ACBD6: variants seen among roughly 807,000 people sequenced by gnomAD.
ACBD6 encodes acyl-CoA-binding domain-containing protein 6.
A neutral mutation model predicts 37.2 loss-of-function variants in ACBD6; 28 were observed. That is an observed-to-expected ratio of 0.75 (90% CI 0.56 to 1.03). The LOEUF (loss-of-function observed/expected upper bound fraction) is 1.03, where lower values mean the gene tolerates loss of function less well. Ranked by LOEUF, ACBD6 falls within the 50% of genes least tolerant of loss-of-function variation. The pLI, the probability that ACBD6 is intolerant of heterozygous loss-of-function variation, is 0.00. For synonymous variants in ACBD6, 113 were observed against 126.8 expected (o/e 0.89, Z 0.73); for missense variants, 340 against 337.4 (o/e 1.01, Z -0.06).
chr1:180,443,269 C>T (rs895407839), intron 3 of ACBD6, among the ~76,000 whole-genome samples: 9 of 152,122 alleles, frequency 5.9e-5, no homozygotes, highest in Non-Finnish European at 1.3e-4. Flanking sequence ...CTACCATATG[C>T]CCCACATATT....
intron 7 of ACBD6, among the ~76,000 whole-genome samples, chr1:180,292,850 C>T (rs987383499): frequency 6.6e-6 from 1 of 152,180 alleles, no homozygotes; most frequent in Non-Finnish European, 1.5e-5. Context: ...ACGATATTAA[C>T]TGTCGATTTT....
intron 4 of ACBD6, among the ~76,000 whole-genome samples, chr1:180,417,140 C>T (rs1359041680): frequency 1.3e-5 from 2 of 152,122 alleles, no homozygotes; most frequent in Non-Finnish European, 2.9e-5. Context: ...TACATAAACT[C>T]CTTTAAAGAG....
rs541008454 is a variant in ACBD6 at position 180,270,900 on chromosome 1, C to T, written c.*2325G>A. ...AGCTCACCCCTGGCTGTGAGCCCAGCGACGCCAGGGCAAAGGTGACATGGC... is the reference window on the plus strand; with the variant it reads ...AGCTCACCCCTGGCTGTGAGCCCAGTGACGCCAGGGCAAAGGTGACATGGC... On this transcript the variant is annotated 3_prime_UTR_variant, in exon 14 of 14. Transcript: ENST00000642319. The T allele has an allele frequency of 1.4e-4, 32 of 235,946 alleles. No individual in the cohort carries two copies. In the East Asian group the frequency reaches 2.5e-3, roughly 19 times the overall value. The allele number at this position is 235,946 out of a possible 1,614,324, so 14.6% of individuals were successfully genotyped here. A position where few individuals can be genotyped will look rare whatever the true frequency, so the allele number is the denominator to read the frequency against.
At chr1:180,391,765 T>A (rs10913980) in intron 6 of ACBD6, among the ~76,000 whole-genome samples, 2 of 151,882 alleles carry the variant, frequency 1.3e-5, no homozygotes, top group East Asian at 1.9e-4. Flanking sequence ...AGGTTAAACA[T>A]AGAGCTATGC....
At chr1:180,489,303 G>C (rs1445761015) in intron 3 of ACBD6, among the ~76,000 whole-genome samples, 1 of 151,014 alleles carries the variant, frequency 6.6e-6, no homozygotes, top group East Asian at 1.9e-4. Context: ...TGAGATGGAG[G>C]TTATGATCTG....
chr1:180,274,037 A>AT, exon 11 of ACBD6: 1 of 932,354 alleles, frequency 1.1e-6, no homozygotes, highest in Non-Finnish European at 1.7e-6. Flanking sequence ...TCAGGCTGCC[A>AT]TATTGGTGTG....
intron 3 of ACBD6, among the ~76,000 whole-genome samples, chr1:180,488,935 G>A (rs931621129): frequency 3.3e-5 from 5 of 152,048 alleles, no homozygotes; most frequent in Admixed American, 2.6e-4. Flanking sequence ...GAATTTCCTC[G>A]TTTTTGAAAT....
chr1:180,436,529 T>G (rs1211403674), intron 3 of ACBD6, among the ~76,000 whole-genome samples: 3 of 152,202 alleles, frequency 2.0e-5, no homozygotes, highest in Admixed American at 1.3e-4. Flanking sequence ...TATTCCTTCT[T>G]GCGTTGTGTT....
rs144601487 is a variant in ACBD6 at position 180,369,104 on chromosome 1, T to C, written c.663+28412A>G. Among the ~76,000 whole-genome samples the C allele has an allele frequency of 3.7e-3, 557 of 152,286 alleles. 8 individuals are homozygous for C. Among genetic ancestry groups the C allele is most frequent in the Non-Finnish European group, 5.7e-3 (388 of 68,024 alleles). On this transcript the variant is annotated intron_variant, in intron 6 of 7. Coordinates refer to ENST00000367595, the MANE Select transcript of ACBD6 (RefSeq NM_032360.4). The stretch of plus-strand genomic sequence containing the variant: ...GGAAGAAAACCTTTAGGCATCTCTG[T>C]AGGAATTCACAGAACAGTTTGAAAC...
exon 14 of ACBD6, chr1:180,271,617 C>A: frequency 6.5e-7 from 1 of 1,548,970 alleles, no homozygotes; most frequent in East Asian, 2.3e-5. Flanking sequence ...CATCAGCTCA[C>A]GGGTGGTTGG....
At chr1:180,313,555 G>C (rs180746351) in intron 7 of ACBD6, among the ~76,000 whole-genome samples, 23 of 152,334 alleles carry the variant, frequency 1.5e-4, no homozygotes, top group Non-Finnish European at 2.9e-4. Context: ...GTAGACAAAA[G>C]TGTCCAGGGT....
At chr1:180,305,964 T>C (rs543373880) in intron 7 of ACBD6, among the ~76,000 whole-genome samples, 16 of 152,112 alleles carry the variant, frequency 1.1e-4, no homozygotes, top group African/African-American at 3.6e-4. Flanking sequence ...TGGATGAAGC[T>C]GGAAACCACC....
exon 14 of ACBD6, chr1:180,271,140 CA>C: frequency 1.7e-6 from 1 of 576,520 alleles, no homozygotes; most frequent in South Asian, 1.9e-5. Flanking sequence ...AGGGTTGAGG[CA>C]GGGAGCTGAG....
intron 7 of ACBD6, among the ~76,000 whole-genome samples, chr1:180,289,662 G>C (rs1649625846): frequency 6.6e-6 from 1 of 152,238 alleles, no homozygotes; most frequent in African/African-American, 2.4e-5. Flanking sequence ...AATGTAAACA[G>C]CCCAAACGCT....
intron 3 of ACBD6, among the ~76,000 whole-genome samples, chr1:180,485,544 A>G (rs1456367957): frequency 6.6e-6 from 1 of 152,212 alleles, no homozygotes; most frequent in Non-Finnish European, 1.5e-5. Context: ...GGCTGCCACA[A>G]GTCAAACAAT....
chr1:180,406,496 T>G (rs542000699), intron 5 of ACBD6, among the ~76,000 whole-genome samples: 1 of 152,164 alleles, frequency 6.6e-6, no homozygotes, highest in Non-Finnish European at 1.5e-5. Flanking sequence ...AACTTCATTA[T>G]GAAATACAAA....
intron 2 of ACBD6, among the ~76,000 whole-genome samples, chr1:180,493,687 A>C (rs1651616201): frequency 6.6e-6 from 1 of 152,190 alleles, no homozygotes; most frequent in East Asian, 1.9e-4. Flanking sequence ...TACAATATAG[A>C]GGCTATACAT....
intron 3 of ACBD6, among the ~76,000 whole-genome samples, chr1:180,480,510 C>T (rs772116651): frequency 1.3e-5 from 2 of 152,114 alleles, no homozygotes; most frequent in Admixed American, 1.3e-4. Flanking sequence ...CAGAAGAAAG[C>T]ATCTGAAGGC....
At chr1:180,455,770 A>G (rs1291208586) in intron 3 of ACBD6, among the ~76,000 whole-genome samples, 1 of 152,202 alleles carries the variant, frequency 6.6e-6, no homozygotes, top group East Asian at 1.9e-4. Flanking sequence ...TGCACTTTTT[A>G]TATACACTTT....
Sources: gnomAD v4.1 joint callset for allele counts (sites outside exome capture counted in the v4.1 genomes callset) on GRCh38, gnomAD v4.1.1 for gene constraint, MANE v1.5 for transcripts, NCBI Gene and HGNC (gene_info 2026-07-23, HGNC 2026-07-21) for gene names.